The following SP140L variants were observed in gnomAD, a reference collection of about 807,000 sequenced individuals.
SP140L encodes the protein nuclear body protein SP140-like protein.
Under a neutral mutation model 84.3 loss-of-function variants are expected in SP140L, and 64 were observed. The observed-to-expected ratio is 0.76, with a 90% confidence interval of 0.62 to 0.94. The LOEUF (loss-of-function observed/expected upper bound fraction) is 0.94, where lower values mean the gene tolerates loss of function less well. Ranked by LOEUF, SP140L falls within the 40% of genes least tolerant of loss-of-function variation. SP140L has a pLI of 0.00. For synonymous variants in SP140L, 242 were observed against 236.9 expected (o/e 1.02, Z -0.20); for missense variants, 628 against 692.5 (o/e 0.91, Z 1.05).
chr2:230,354,922 AAAG>A (rs2060495361), intron 2 of SP140L, among the ~76,000 whole-genome samples: 1 of 115,188 alleles, frequency 8.7e-6, no homozygotes, highest in African/African-American at 3.2e-5. Context: ...AAAGAAAAAG[AAAG>A]AAAAAAGAAA....
At chr2:230,348,758 G>C (rs970977463) in intron 2 of SP140L, among the ~76,000 whole-genome samples, 10 of 152,176 alleles carry the variant, frequency 6.6e-5, no homozygotes, top group Admixed American at 5.9e-4. Context: ...TAAGGATCAT[G>C]CTTTTGATGT....
Position 230,328,750 on chromosome 2 carries a change from T to C in SP140L, c.33-7T>C. The C allele has an allele frequency of 6.2e-7, 1 of 1,611,276 alleles. No individual in the cohort carries two copies. The highest frequency in any genetic ancestry group is 8.5e-7 in the Non-Finnish European group (1 of 1,178,682). On this transcript the variant is annotated splice_region_variant and splice_polypyrimidine_tract_variant and intron_variant, in intron 1 of 18. Coordinates refer to ENST00000415673, the MANE Select transcript of SP140L (RefSeq NM_138402.6). ...TGTTTATAGATCCTGCCAAATTGTC[T>C]TTTTAGGGGGCTGAACGGAGGTGTT...
At chr2:230,346,168 A>T (rs879822155) in intron 2 of SP140L, among the ~76,000 whole-genome samples, 10 of 152,092 alleles carry the variant, frequency 6.6e-5, no homozygotes, top group Admixed American at 5.9e-4. Context: ...CTTGGTTGGC[A>T]GTTTTTTTTC....
intron 5 of SP140L, among the ~76,000 whole-genome samples, chr2:230,370,697 A>C (rs191270084): frequency 3.3e-5 from 5 of 152,238 alleles, no homozygotes; most frequent in African/African-American, 1.2e-4. Context: ...ACAAAAGAGG[A>C]CAAAAAGGGA....
intron 5 of SP140L, among the ~76,000 whole-genome samples, chr2:230,364,452 T>A (rs1463602001): frequency 6.6e-6 from 1 of 152,130 alleles, no homozygotes; most frequent in African/African-American, 2.4e-5. Flanking sequence ...GATAGTTCAT[T>A]GTTAGCGTAT....
At chr2:230,393,360 C>G in intron 12 of SP140L, 54 bp from the exon 13 acceptor site, 1 of 1,532,886 alleles carries the variant, frequency 6.5e-7, no homozygotes, top group Non-Finnish European at 8.8e-7. Flanking sequence ...AAATGCCAGA[C>G]TCACAAAACA....
intron 11 of SP140L, among the ~76,000 whole-genome samples, chr2:230,391,133 T>C (rs2061785436): frequency 6.6e-6 from 1 of 152,256 alleles, no homozygotes; most frequent in African/African-American, 2.4e-5. Context: ...ATTCATCAAC[T>C]TGGGTTATTT....
chr2:230,391,509 A>G (rs948367642), intron 11 of SP140L, among the ~76,000 whole-genome samples: 1 of 152,258 alleles, frequency 6.6e-6, no homozygotes, highest in South Asian at 2.1e-4. Flanking sequence ...TAATTTTTCT[A>G]TTAGGTAACA....
At chr2:230,340,943 C>G (rs200407976) in intron 2 of SP140L, among the ~76,000 whole-genome samples, 135 of 129,488 alleles carry the variant, frequency 1.0e-3, no homozygotes, top group South Asian at 1.9e-3. Flanking sequence ...TTCATTTCAA[C>G]TTTGGTGAAT....
chr2:230,373,319 C>T (rs1316662713), intron 7 of SP140L, among the ~76,000 whole-genome samples: 1 of 152,222 alleles, frequency 6.6e-6, no homozygotes, highest in Non-Finnish European at 1.5e-5. Context: ...CTAGAACTGT[C>T]ATAGGTAGAG....
At chr2:230,352,345 A>G (rs796527110) in intron 2 of SP140L, among the ~76,000 whole-genome samples, 9 of 152,340 alleles carry the variant, frequency 5.9e-5, no homozygotes, top group African/African-American at 2.2e-4. Flanking sequence ...CACAACCTTA[A>G]CAGGAATCAT....
At chr2:230,365,224 A>G (rs1264412299) in intron 5 of SP140L, among the ~76,000 whole-genome samples, 1 of 152,102 alleles carries the variant, frequency 6.6e-6, no homozygotes, top group Non-Finnish European at 1.5e-5. Context: ...TTTGAAAAGT[A>G]TCAGTATTTA....
intron 9 of SP140L, among the ~76,000 whole-genome samples, chr2:230,386,179 T>A (rs1017896596): frequency 2.0e-5 from 3 of 152,210 alleles, no homozygotes; most frequent in African/African-American, 7.2e-5. Context: ...TTCCACCAAC[T>A]CTTTCTATGG....
chr2:230,328,970 G>A, intron 2 of SP140L, 139 bp downstream of exon 2: 1 of 1,332,534 alleles, frequency 7.5e-7, no homozygotes, highest in Non-Finnish European at 9.8e-7. Context: ...TGATTCAGTT[G>A]AGGTGTTTGT....
chr2:230,380,368 A>G (rs1444176511), intron 7 of SP140L, among the ~76,000 whole-genome samples: 1 of 152,230 alleles, frequency 6.6e-6, no homozygotes, highest in Non-Finnish European at 1.5e-5. Flanking sequence ...AAACCATGTC[A>G]CTATCCATAT....
intron 2 of SP140L, among the ~76,000 whole-genome samples, chr2:230,336,470 C>T (rs2059885782): frequency 6.6e-6 from 1 of 152,198 alleles, no homozygotes; most frequent in African/African-American, 2.4e-5. Flanking sequence ...CTGCCTACCA[C>T]CTGTTTCATG....
chr2:230,387,661 G>A (rs1009724834), intron 9 of SP140L, among the ~76,000 whole-genome samples: 3 of 152,174 alleles, frequency 2.0e-5, no homozygotes, highest in African/African-American at 7.2e-5. Flanking sequence ...GCACAAGGAG[G>A]AAGGAACATT....
chr2:230,386,443 C>A lies in SP140L; in HGVS notation c.784+1139C>A, dbSNP rs143691071. Among the ~76,000 whole-genome samples, 32 of 152,282 alleles carry A rather than the reference C, an allele frequency of 2.1e-4. No homozygotes were observed. In the East Asian group the frequency reaches 3.1e-3, roughly 15 times the overall value. Reference sequence around the variant, plus strand: ...ATTGAAAACTCTGTCACACTTCTTTCTAGAGGTTAATACCAACCATAACAA... The same window carrying A: ...ATTGAAAACTCTGTCACACTTCTTTATAGAGGTTAATACCAACCATAACAA... On this transcript the variant is annotated intron_variant, in intron 9 of 18. Coordinates refer to ENST00000415673, the MANE Select transcript of SP140L (RefSeq NM_138402.6).
chr2:230,347,741 C>G (rs1231162778), intron 2 of SP140L, among the ~76,000 whole-genome samples: 1 of 152,204 alleles, frequency 6.6e-6, no homozygotes, highest in Non-Finnish European at 1.5e-5. Flanking sequence ...CCTGGTCCAA[C>G]AAGACAGAAA....
Sources: gnomAD v4.1 joint callset for allele counts (sites outside exome capture counted in the v4.1 genomes callset) on GRCh38, gnomAD v4.1.1 for gene constraint, MANE v1.5 for transcripts, NCBI Gene and HGNC (gene_info 2026-07-23, HGNC 2026-07-21) for gene names.